The following SLCO5A1 variants were observed in gnomAD, a reference collection of about 807,000 sequenced individuals.
SLCO5A1 encodes the protein solute carrier organic anion transporter family member 5A1.
SLCO5A1 carries 39 observed loss-of-function variants against 65.1 expected under a neutral mutation model. The observed-to-expected ratio is 0.60, with a 90% CI of 0.46 to 0.78. The LOEUF (loss-of-function observed/expected upper bound fraction) is 0.78. Among genes scored for constraint, SLCO5A1 ranks in the 30% least tolerant of loss-of-function variants. The pLI is 0.00. For missense variants in SLCO5A1, 1,029 were observed against 1,069.4 expected, an observed-to-expected ratio of 0.96 and a Z score of 0.53; for synonymous variants, 438 against 415.7, an observed-to-expected ratio of 1.05 and a Z score of -0.65.
At chr8:69,681,376 C>T (rs1338704318) in intron 7 of SLCO5A1, among the ~76,000 whole-genome samples, 1 of 152,120 alleles carries the variant, frequency 6.6e-6, no homozygotes, top group East Asian at 1.9e-4. Flanking sequence ...GGCAGATCAC[C>T]TGAGGTCGGG....
chr8:69,698,021 C>T (rs902524413), intron 6 of SLCO5A1, among the ~76,000 whole-genome samples: 2 of 152,246 alleles, frequency 1.3e-5, no homozygotes, highest in East Asian at 3.9e-4. Flanking sequence ...TCTTCCCACC[C>T]TCCAGTGTTG....
At chr8:69,726,129 C>T (rs1187409787) in intron 5 of SLCO5A1, among the ~76,000 whole-genome samples, 1 of 152,184 alleles carries the variant, frequency 6.6e-6, no homozygotes, top group Non-Finnish European at 1.5e-5. Context: ...GACATACGGA[C>T]TGTGCTATTA....
At chr8:69,684,825 T>C (rs1215058010) in intron 6 of SLCO5A1, among the ~76,000 whole-genome samples, 3 of 152,028 alleles carry the variant, frequency 2.0e-5, no homozygotes, top group Non-Finnish European at 2.9e-5. Flanking sequence ...AGACCCAATT[T>C]TGAGGTTTTG....
At chr8:69,722,880 CA>C (rs1815891707) in intron 5 of SLCO5A1, among the ~76,000 whole-genome samples, 1 of 151,816 alleles carries the variant, frequency 6.6e-6, no homozygotes, top group African/African-American at 2.4e-5. Flanking sequence ...ACATACGCAT[CA>C]ATGAATTTGG....
intron 6 of SLCO5A1, among the ~76,000 whole-genome samples, chr8:69,697,811 C>T (rs1170414371): frequency 6.6e-6 from 1 of 152,122 alleles, no homozygotes; most frequent in Non-Finnish European, 1.5e-5. Flanking sequence ...GCAATGGTTT[C>T]CAAGTCCCCA....
At chr8:69,792,186 A>G (rs1586804887) in intron 2 of SLCO5A1, among the ~76,000 whole-genome samples, 1 of 152,182 alleles carries the variant, frequency 6.6e-6, no homozygotes, top group South Asian at 2.1e-4. Flanking sequence ...CCATTTCAAC[A>G]TAAGAAAATC....
rs115482047 is a variant in SLCO5A1, at chr8:69,707,058, G to A, written c.1424-1829C>T. On this transcript the variant is annotated intron_variant, in intron 5 of 9. Coordinates refer to ENST00000260126, the MANE Select transcript of SLCO5A1 (RefSeq NM_030958.3). ...AGCTACTCAGGAGACTGAGACAGGAGAATCGCTTGATTGAACCCTAGAGGC... is the reference window on the plus strand; with the variant it reads ...AGCTACTCAGGAGACTGAGACAGGAAAATCGCTTGATTGAACCCTAGAGGC... 8.0e-3 allele frequency among the ~76,000 whole-genome samples: 1,211 copies of A among 152,242 alleles called. 25 individuals are homozygous for A. Among genetic ancestry groups the A allele is most frequent in the African/African-American group, 0.028 (1,149 of 41,506 alleles).
At chr8:69,785,908 T>C (rs369400359) in intron 2 of SLCO5A1, among the ~76,000 whole-genome samples, 26 of 152,216 alleles carry the variant, frequency 1.7e-4, no homozygotes, top group African/African-American at 5.5e-4. Flanking sequence ...TAGAGAATCC[T>C]GAATAGTCAT....
At chr8:69,689,241 C>T (rs201718438) in intron 6 of SLCO5A1, among the ~76,000 whole-genome samples, 4,114 of 84,994 alleles carry the variant, frequency 0.048, 79 homozygotes, top group Middle Eastern at 0.1. Context: ...GATATTAGCC[C>T]TTTGTCAGAT....
chr8:69,801,021 T>C (rs1203417100), intron 2 of SLCO5A1, among the ~76,000 whole-genome samples: 1 of 152,180 alleles, frequency 6.6e-6, no homozygotes, highest in Non-Finnish European at 1.5e-5. Flanking sequence ...CCTCATTCTT[T>C]CTTTAAACAA....
In SLCO5A1 at chr8:69,768,561, C is replaced by T. The variant is rs562685148; in HGVS notation, c.908-6686G>A. ...GTGGAGTCTGAGATCAAGGTGCCATCGGCACTGGCTTCTGAGGAGGCCTCT... is the reference window on the plus strand; with the variant it reads ...GTGGAGTCTGAGATCAAGGTGCCATTGGCACTGGCTTCTGAGGAGGCCTCT... On this transcript the variant is annotated intron_variant, in intron 2 of 9. Transcript: ENST00000260126. 4.6e-5 allele frequency among the ~76,000 whole-genome samples: 7 copies of T among 152,308 alleles called. No homozygotes were observed. The South Asian group carries it at 1.0e-3, about 23-fold the overall frequency.
At chr8:69,683,623 C>T (rs982405921) in intron 6 of SLCO5A1, among the ~76,000 whole-genome samples, 9 of 151,074 alleles carry the variant, frequency 6.0e-5, no homozygotes, top group Admixed American at 2.0e-4. Flanking sequence ...AGTGCAGTGG[C>T]GTGATCTCCA....
chr8:69,742,539 G>C (rs867319673), intron 4 of SLCO5A1, among the ~76,000 whole-genome samples: 3 of 152,242 alleles, frequency 2.0e-5, no homozygotes, highest in Admixed American at 2.0e-4. Flanking sequence ...AATTCAAGAG[G>C]TTATAATTTA....
chr8:69,828,811 T>C (rs1474117697), intron 2 of SLCO5A1, among the ~76,000 whole-genome samples: 1 of 152,230 alleles, frequency 6.6e-6, no homozygotes, highest in African/African-American at 2.4e-5. Flanking sequence ...GCATTTCATA[T>C]GCACTTGCTA....
intron 2 of SLCO5A1, among the ~76,000 whole-genome samples, chr8:69,817,493 A>T (rs2130916636): frequency 1.3e-5 from 2 of 152,298 alleles, no homozygotes; most frequent in South Asian, 4.1e-4. Context: ...ATTATTTTGG[A>T]TCTATACCAG....
At chr8:69,729,237 G>A (rs993207599) in intron 5 of SLCO5A1, among the ~76,000 whole-genome samples, 1 of 152,084 alleles carries the variant, frequency 6.6e-6, no homozygotes, top group Admixed American at 6.6e-5. Flanking sequence ...GAGGTCAGGA[G>A]ATGGAGACCA....
intron 5 of SLCO5A1, among the ~76,000 whole-genome samples, chr8:69,712,639 C>T (rs1432798091): frequency 6.6e-6 from 1 of 152,134 alleles, no homozygotes; most frequent in African/African-American, 2.4e-5. Flanking sequence ...TTTTATGGTA[C>T]CCAGCGCTAG....
intron 2 of SLCO5A1, among the ~76,000 whole-genome samples, chr8:69,768,062 A>G (rs1586777832): frequency 6.6e-6 from 1 of 151,718 alleles, no homozygotes; most frequent in East Asian, 2.0e-4. Context: ...GCAAAACTGC[A>G]TCTCTACCAA....
intron 4 of SLCO5A1, among the ~76,000 whole-genome samples, chr8:69,754,511 A>T (rs1817461447): frequency 6.6e-6 from 1 of 152,222 alleles, no homozygotes. Flanking sequence ...ATTTTACCTA[A>T]CACAACCTTG....
Sources: allele counts gnomAD v4.1 joint callset (sites outside exome capture counted in the v4.1 genomes callset), GRCh38; gene constraint gnomAD v4.1.1; transcripts MANE v1.5; gene names NCBI Gene and HGNC (gene_info 2026-07-23, HGNC 2026-07-21).